Variants in STK32B observed in about 807,000 individuals in gnomAD.
The protein encoded by STK32B is serine/threonine kinase 32B.
Under a neutral mutation model 52.6 loss-of-function variants are expected in STK32B, and 43 were observed. The observed-to-expected ratio is 0.82, with a 90% CI of 0.64 to 1.05. The LOEUF is 1.05. Ranked by LOEUF, STK32B falls within the 50% of genes least tolerant of loss-of-function variation. STK32B has a pLI of 0.00. For synonymous variants in STK32B, 238 were observed against 204.3 expected (o/e 1.17, Z -1.41); for missense variants, 621 against 534.6 (o/e 1.16, Z -1.59).
intron 6 of STK32B, among the ~76,000 whole-genome samples, chr4:5,425,549 A>G (rs930580906): frequency 5.9e-5 from 9 of 152,190 alleles, no homozygotes; most frequent in Non-Finnish European, 8.8e-5. Flanking sequence ...ACATGTGTGA[A>G]TAAAACATAA....
chr4:5,213,089 A>G (rs1216876771), intron 3 of STK32B, among the ~76,000 whole-genome samples: 1 of 152,148 alleles, frequency 6.6e-6, no homozygotes, highest in Admixed American at 6.5e-5. Flanking sequence ...GTGCATTAGC[A>G]CTGCTGTTTT....
intron 6 of STK32B, among the ~76,000 whole-genome samples, chr4:5,445,494 G>A (rs938130844): frequency 1.3e-5 from 2 of 152,048 alleles, no homozygotes; most frequent in Non-Finnish European, 2.9e-5. Context: ...ACCCTACAAT[G>A]CACTCCGGGC....
intron 11 of STK32B, among the ~76,000 whole-genome samples, chr4:5,494,047 T>C (rs1488195782): frequency 6.6e-5 from 10 of 152,220 alleles, no homozygotes; most frequent in Admixed American, 5.2e-4. Context: ...GAAAAAAATG[T>C]ATATTCTGTT....
chr4:5,437,980 C>T (rs1714249981), intron 6 of STK32B: 3 of 985,518 alleles, frequency 3.0e-6, no homozygotes, highest in Non-Finnish European at 3.6e-6. Context: ...GGACTGCAGA[C>T]ATTTGTCGCT....
chr4:5,175,714 TG>T (rs1392213953), intron 3 of STK32B, among the ~76,000 whole-genome samples: 1 of 152,178 alleles, frequency 6.6e-6, no homozygotes, highest in Admixed American at 6.5e-5. Context: ...CTGCCCCTAC[TG>T]GGGGGTGCCT....
At chr4:5,262,063 C>A (rs1015664315) in intron 3 of STK32B, among the ~76,000 whole-genome samples, 1 of 152,182 alleles carries the variant, frequency 6.6e-6, no homozygotes, top group Non-Finnish European at 1.5e-5. Context: ...GATTCTCCGT[C>A]GTGCCTCCCT....
chr4:5,068,297 T>TGG (rs1380874399), intron 1 of STK32B, among the ~76,000 whole-genome samples: 2 of 152,210 alleles, frequency 1.3e-5, no homozygotes, highest in Non-Finnish European at 2.9e-5. Flanking sequence ...TTCCCCCGTC[T>TGG]GAGTCTCATG....
intron 1 of STK32B, among the ~76,000 whole-genome samples, chr4:5,113,609 TA>T (rs1184066749): frequency 2.0e-5 from 3 of 152,208 alleles, no homozygotes; most frequent in Non-Finnish European, 4.4e-5. Context: ...TCCATTTCTT[TA>T]ACGTACACAC....
At chr4:5,438,543 G>A (rs369093954) in intron 6 of STK32B, among the ~76,000 whole-genome samples, 32 of 152,232 alleles carry the variant, frequency 2.1e-4, no homozygotes, top group Admixed American at 3.3e-4. Flanking sequence ...ACTGATGGAC[G>A]ATGGGGAGGC....
chr4:5,450,899 C>A (rs1006555035), intron 7 of STK32B, among the ~76,000 whole-genome samples: 1 of 152,162 alleles, frequency 6.6e-6, no homozygotes, highest in African/African-American at 2.4e-5. Flanking sequence ...CTGGATCACA[C>A]CTGCTTGCTG....
intron 3 of STK32B, among the ~76,000 whole-genome samples, chr4:5,227,686 C>G (rs965471441): frequency 6.6e-6 from 1 of 152,192 alleles, no homozygotes; most frequent in Non-Finnish European, 1.5e-5. Context: ...GCTTACAACT[C>G]AATTGCAAAA....
chr4:5,211,630 G>C (rs1722909304), intron 3 of STK32B, among the ~76,000 whole-genome samples: 1 of 152,126 alleles, frequency 6.6e-6, no homozygotes, highest in South Asian at 2.1e-4. Context: ...TGTGAAATGT[G>C]GCCCATCTCC....
chr4:5,268,540 T>G (rs866540431), intron 3 of STK32B, among the ~76,000 whole-genome samples: 477 of 7,240 alleles, frequency 0.066, no homozygotes, highest in African/African-American at 0.35. Context: ...CTTGGTGTGG[T>G]GTGTGTGTGT....
upstream of STK32B, among the ~76,000 whole-genome samples, chr4:5,048,868 G>T (rs755229804): frequency 1.4e-4 from 21 of 152,254 alleles, no homozygotes; most frequent in Non-Finnish European, 2.6e-4. Flanking sequence ...GAAAATCCAT[G>T]CAGAGCGCTT....
intron 6 of STK32B, among the ~76,000 whole-genome samples, chr4:5,438,411 C>T (rs932009727): frequency 3.3e-5 from 5 of 152,068 alleles, no homozygotes; most frequent in African/African-American, 7.2e-5. Flanking sequence ...GATCTATCAC[C>T]GATAGGAAGA....
intron 1 of STK32B, among the ~76,000 whole-genome samples, chr4:5,104,135 C>T (rs1398395952): frequency 6.6e-6 from 1 of 152,058 alleles, no homozygotes; most frequent in Non-Finnish European, 1.5e-5. Context: ...TGAATTATAG[C>T]TCCCATAATC....
At chr4:5,260,124 T>TA (rs994352208) in intron 3 of STK32B, among the ~76,000 whole-genome samples, 44 of 152,050 alleles carry the variant, frequency 2.9e-4, no homozygotes, top group Admixed American at 1.7e-3. Context: ...CACGGAGCCG[T>TA]ACACACTAAA....
chr4:5,239,666 G>C (rs1317878305), intron 3 of STK32B, among the ~76,000 whole-genome samples: 2 of 152,194 alleles, frequency 1.3e-5, no homozygotes, highest in African/African-American at 4.8e-5. Flanking sequence ...AGAGGCATGA[G>C]AGGGGTTGTG....
chr4:5,040,021 G>C, the STK32B span, among the ~76,000 whole-genome samples: 1 of 152,158 alleles, frequency 6.6e-6, no homozygotes, highest in African/African-American at 2.4e-5. Flanking sequence ...CTACTCCCTG[G>C]AGTGCCGTCC....
Sources: gnomAD v4.1 joint callset for allele counts (sites outside exome capture counted in the v4.1 genomes callset) on GRCh38, gnomAD v4.1.1 for gene constraint, MANE v1.5 for transcripts, NCBI Gene and HGNC (gene_info 2026-07-23, HGNC 2026-07-21) for gene names.